The following TSNARE1 variants were observed in gnomAD, a reference collection of about 807,000 sequenced individuals.
TSNARE1 encodes t-SNARE domain-containing protein 1.
TSNARE1 carries 49 observed loss-of-function variants against 62.0 expected under a neutral mutation model. The ratio of observed to expected loss-of-function variants is 0.79; its 90% confidence interval spans 0.63 to 1.00. The LOEUF (loss-of-function observed/expected upper bound fraction) is 1.00. Ranked by LOEUF, TSNARE1 falls within the 50% of genes least tolerant of loss-of-function variation. TSNARE1 has a pLI of 0.00. For synonymous variants in TSNARE1, 328 were observed against 294.4 expected (o/e 1.11, Z -1.17); for missense variants, 755 against 700.1 (o/e 1.08, Z -0.88).
chr8:142,268,308 G>C (rs542508811), intron 12 of TSNARE1, among the ~76,000 whole-genome samples: 1 of 152,318 alleles, frequency 6.6e-6, no homozygotes, highest in African/African-American at 2.4e-5. Context: ...CATGGACCAG[G>C]ACTTACCCAT....
At position 142,212,539 on chromosome 8, in the gene TSNARE1, C is replaced by T. The variant is rs184556324; in HGVS notation, c.*12-226G>A. 1.2e-3 allele frequency among the ~76,000 whole-genome samples: 176 copies of T among 152,196 alleles called. 1 individual carries two copies. The highest frequency in any genetic ancestry group is 3.4e-3 in the Middle Eastern group (1 of 294). On this transcript the variant is annotated intron_variant, in intron 13 of 13. Coordinates refer to ENST00000524325, the MANE Select transcript of TSNARE1 (RefSeq NM_145003.5). ...CGCAGGCCTCGGTCACCCATCCCCA[C>T]GCTCAGCACCATCCCCTGCCCTGCA... is the stretch of plus-strand genomic sequence containing the variant.
intron 12 of TSNARE1, chr8:142,271,176 C>A: frequency 2.0e-6 from 2 of 990,340 alleles, no homozygotes; most frequent in Non-Finnish European, 2.4e-6. Flanking sequence ...GAGCCTCCAG[C>A]AGGCCCCTGG....
chr8:142,277,183 C>T (rs1233243151), intron 11 of TSNARE1: 42 of 985,258 alleles, frequency 4.3e-5, no homozygotes, highest in Non-Finnish European at 4.9e-5. Context: ...ACCTGCTCCT[C>T]CCAACACAGG....
chr8:142,258,352 G>A (rs925302361), intron 12 of TSNARE1, among the ~76,000 whole-genome samples: 6 of 152,180 alleles, frequency 3.9e-5, no homozygotes, highest in African/African-American at 1.4e-4. Context: ...CTGCTGCCCC[G>A]AGTGCACACC....
chr8:142,213,798 G>T (rs1375045575), intron 13 of TSNARE1, among the ~76,000 whole-genome samples: 1 of 152,222 alleles, frequency 6.6e-6, no homozygotes, highest in Non-Finnish European at 1.5e-5. Context: ...TGCCCAGCAG[G>T]TGGCCCACGT....
At chr8:142,392,750 G>A (rs183157020) in intron 1 of TSNARE1, among the ~76,000 whole-genome samples, 2 of 152,094 alleles carry the variant, frequency 1.3e-5, no homozygotes, top group Non-Finnish European at 1.5e-5. Context: ...AGACCACGCG[G>A]GCCAACATGG....
intron 11 of TSNARE1, chr8:142,280,247 C>T (rs1821197147): frequency 1.0e-6 from 1 of 985,350 alleles, no homozygotes; most frequent in Middle Eastern, 5.2e-4. Flanking sequence ...GAGCCCGGCC[C>T]GGCACCCAGC....
At chr8:142,261,010 A>G in intron 12 of TSNARE1, among the ~76,000 whole-genome samples, 1 of 6,318 alleles carries the variant, frequency 1.6e-4, no homozygotes, top group Non-Finnish European at 3.5e-4. Context: ...GTGGGGAGGG[A>G]GGAGAGGAGA....
chr8:142,311,144 C>A (rs1266531537), intron 9 of TSNARE1, among the ~76,000 whole-genome samples: 1 of 150,810 alleles, frequency 6.6e-6, no homozygotes, highest in African/African-American at 2.4e-5. Flanking sequence ...GCCACTGCAC[C>A]CAGCCAAGGG....
chr8:142,366,283 G>A (rs1176522322), intron 1 of TSNARE1, among the ~76,000 whole-genome samples: 2 of 152,062 alleles, frequency 1.3e-5, no homozygotes, highest in Non-Finnish European at 2.9e-5. Context: ...TGATCTGCCT[G>A]TCTCGGCCTC....
intron 13 of TSNARE1, among the ~76,000 whole-genome samples, chr8:142,224,804 G>A (rs550774842): frequency 3.9e-5 from 6 of 152,158 alleles, no homozygotes; most frequent in African/African-American, 1.4e-4. Context: ...TCCAGACCAG[G>A]TGCCTGTGGT....
At chr8:142,253,109 C>T (rs566976186) in intron 12 of TSNARE1, among the ~76,000 whole-genome samples, 5 of 152,330 alleles carry the variant, frequency 3.3e-5, no homozygotes, top group South Asian at 2.1e-4. Context: ...AGAGACCGGA[C>T]GGGCAGCCTG....
chr8:142,213,302 G>A (rs1017674321), intron 13 of TSNARE1, among the ~76,000 whole-genome samples: 2 of 139,292 alleles, frequency 1.4e-5, no homozygotes, highest in Non-Finnish European at 3.1e-5. Context: ...CCGGGGCTGG[G>A]GAGAATGCCC....
Position 142,344,291 on chromosome 8 carries a change from C to T in TSNARE1, c.420G>A (p.Val140=), listed in dbSNP as rs1293626477. The T allele has an allele frequency of 1.9e-6, 3 of 1,598,868 alleles. No homozygotes were observed. Among genetic ancestry groups the T allele is most frequent in the East Asian group, 4.5e-5 (2 of 44,492 alleles). ...PQETEVLVSK[V]SKHHQLLFGT... ...CAAACAGCAGCTGGTGGTGCTTGCT[C>T]ACCTTGGACACCAGCACCTCGGTCT... is the stretch of plus-strand genomic sequence containing the variant. The change falls in exon 4 of 14, where the codon GTG becomes GTA. Residue 140 remains valine, a synonymous_variant. Coordinates refer to ENST00000524325, the MANE Select transcript of TSNARE1 (RefSeq NM_145003.5).
chr8:142,388,307 TATG>T (rs1837243492), intron 1 of TSNARE1, among the ~76,000 whole-genome samples: 1 of 152,094 alleles, frequency 6.6e-6, no homozygotes, highest in Admixed American at 6.5e-5. Flanking sequence ...TACTCTGCTT[TATG>T]GAGTTAACAG....
chr8:142,319,821 A>C lies in TSNARE1; in HGVS notation c.894-1187T>G, dbSNP rs527526305. Among the ~76,000 whole-genome samples the C allele has an allele frequency of 6.6e-6, 1 of 152,260 alleles. No homozygotes were observed. The highest frequency in any genetic ancestry group is 2.1e-4 in the South Asian group (1 of 4,828). ...CCAGAACAGGCACCCAGCAGGCTAGAGAGGGTGTGGGCCAAGGAGGGCAAG... is the reference window on the plus strand; with the variant it reads ...CCAGAACAGGCACCCAGCAGGCTAGCGAGGGTGTGGGCCAAGGAGGGCAAG... On this transcript the variant is annotated intron_variant, in intron 6 of 13. Coordinates refer to ENST00000524325, the MANE Select transcript of TSNARE1 (RefSeq NM_145003.5). The surrounding 1 kb of genome is among the most constrained non-coding windows in gnomAD (Gnocchi z 4.9).
intron 1 of TSNARE1, among the ~76,000 whole-genome samples, chr8:142,372,535 G>A (rs1835987207): frequency 6.6e-6 from 1 of 152,208 alleles, no homozygotes. Flanking sequence ...GCTGCGGGGT[G>A]GAGCGGGGGT....
intron 12 of TSNARE1, among the ~76,000 whole-genome samples, chr8:142,265,828 G>A (rs1453964453): frequency 2.0e-5 from 3 of 152,320 alleles, no homozygotes; most frequent in African/African-American, 7.2e-5. Context: ...TACTGCTGTG[G>A]GGCATCTTTT....
At chr8:142,244,084 G>A (rs1293612427) in intron 12 of TSNARE1, among the ~76,000 whole-genome samples, 1 of 152,232 alleles carries the variant, frequency 6.6e-6, no homozygotes, top group Non-Finnish European at 1.5e-5. Context: ...TACTCAGGAA[G>A]CTGAGGCAGG....
Sources: allele counts gnomAD v4.1 joint callset (sites outside exome capture counted in the v4.1 genomes callset), GRCh38; gene constraint gnomAD v4.1.1; non-coding constraint Gnocchi (gnomAD v3.1); transcripts MANE v1.5; gene names NCBI Gene and HGNC (gene_info 2026-07-23, HGNC 2026-07-21).